Variants in SMIM18 observed in about 807,000 individuals in gnomAD.
SMIM18 encodes the protein small integral membrane protein 18.
Under a neutral mutation model 5.9 loss-of-function variants are expected in SMIM18, and 4 were observed. That is an observed-to-expected ratio of 0.68 (90% CI 0.33 to 1.56). The LOEUF is 1.56. SMIM18 is among the 40% of genes most tolerant of loss of function. The pLI is 0.06. For missense variants in SMIM18, 89 were observed against 109.7 expected (o/e 0.81, Z 0.84); for synonymous variants, 37 against 37.4 (o/e 0.99, Z 0.04).
At chr8:30,643,052 C>T (rs1801907601) in intron 1 of SMIM18, among the ~76,000 whole-genome samples, 1 of 152,020 alleles carries the variant, frequency 6.6e-6, no homozygotes, top group African/African-American at 2.4e-5. Flanking sequence ...GCAAGTCCAT[C>T]CAGAGAGGTG....
At chr8:30,641,409 C>A (rs1427595893) in intron 1 of SMIM18, among the ~76,000 whole-genome samples, 1 of 152,146 alleles carries the variant, frequency 6.6e-6, no homozygotes, top group African/African-American at 2.4e-5. Context: ...ATCACCCAGG[C>A]GGGAGTGCAA....
chr8:30,641,249 T>C (rs746493008), intron 1 of SMIM18, among the ~76,000 whole-genome samples: 16 of 152,212 alleles, frequency 1.1e-4, no homozygotes, highest in Admixed American at 7.9e-4. Context: ...ATTTACAACA[T>C]AAACCTGACC....
intron 1 of SMIM18, among the ~76,000 whole-genome samples, chr8:30,640,794 G>A (rs775738420): frequency 2.6e-4 from 39 of 152,054 alleles, no homozygotes; most frequent in Non-Finnish European, 4.0e-4. Flanking sequence ...AACCTCTGCC[G>A]CCCAGGTTCA....
intron 1 of SMIM18, among the ~76,000 whole-genome samples, chr8:30,643,037 A>T (rs1181004209): frequency 6.6e-6 from 1 of 152,228 alleles, no homozygotes; most frequent in Non-Finnish European, 1.5e-5. Context: ...GCAGGAAAAA[A>T]GGAGGCAAGT....
intron 1 of SMIM18, among the ~76,000 whole-genome samples, chr8:30,640,793 C>G (rs1433455042): frequency 6.6e-6 from 1 of 152,120 alleles, no homozygotes; most frequent in Non-Finnish European, 1.5e-5. Context: ...CAACCTCTGC[C>G]GCCCAGGTTC....
intron 1 of SMIM18, among the ~76,000 whole-genome samples, chr8:30,641,338 T>C (rs1049013232): frequency 2.0e-5 from 3 of 152,090 alleles, no homozygotes; most frequent in African/African-American, 7.2e-5. Context: ...GTGTTACCTA[T>C]AGTTATTATT....
intron 1 of SMIM18, among the ~76,000 whole-genome samples, chr8:30,642,907 T>C (rs1801901869): frequency 6.6e-6 from 1 of 152,194 alleles, no homozygotes; most frequent in African/African-American, 2.4e-5. Flanking sequence ...TAAGGGGACC[T>C]GAAAATATTT....
chr8:30,645,506 AAAAC>A lies in SMIM18; in HGVS notation c.201_204del (p.Asn67LysfsTer3). On this transcript the variant is annotated frameshift_variant, in exon 3 of 3. Coordinates refer to ENST00000517349, the MANE Select transcript of SMIM18 (RefSeq NM_001206847.2). LOFTEE classifies it high-confidence loss of function. ...GTGCTTGACTGCTGCTGCTGTGTAAAAAACAAAACCGTGAAAGACTTGAAAAGTG... is the reference window on the plus strand; with the variant it reads ...GTGCTTGACTGCTGCTGCTGTGTAAAAAAACCGTGAAAGACTTGAAAAGTG... 6.5e-7 allele frequency: 1 copy of A among 1,535,696 alleles called. No homozygotes were observed. The highest frequency in any genetic ancestry group is 8.7e-7 in the Non-Finnish European group (1 of 1,146,896).
chr8:30,643,713 T>C (rs1000259393), intron 1 of SMIM18: 2 of 149,794 alleles, frequency 1.3e-5, no homozygotes, highest in African/African-American at 2.5e-5. Flanking sequence ...CTTCAGATCA[T>C]ACAAATCTCT....
In SMIM18 at chr8:30,645,812, A is replaced by C; in HGVS notation, c.*215A>C. 1 of 527,046 alleles carries C rather than the reference A, an allele frequency of 1.9e-6. No homozygotes were observed. Among genetic ancestry groups the C allele is most frequent in the South Asian group, 2.8e-5 (1 of 35,224 alleles). 32.6% of individuals were successfully genotyped at this position (527,046 alleles called of 1,614,324 possible). ...AAAACTTCATGAATGTGAATTTACT[A>C]ATCTGTTTAATACTGACACTTCAAA... On this transcript the variant is annotated 3_prime_UTR_variant, in exon 3 of 3. Coordinates refer to ENST00000517349, the MANE Select transcript of SMIM18 (RefSeq NM_001206847.2).
chr8:30,640,810 T>C (rs985873438), intron 1 of SMIM18, among the ~76,000 whole-genome samples: 5 of 152,110 alleles, frequency 3.3e-5, no homozygotes, highest in Non-Finnish European at 5.9e-5. Flanking sequence ...GTTCATGAGA[T>C]TCTCCTGCCT....
rs187731366 is a variant in SMIM18 at position 30,640,137 on chromosome 8, C to T, written c.-111+1498C>T. Among the ~76,000 whole-genome samples, 134 of 152,212 alleles carry T rather than the reference C, an allele frequency of 8.8e-4. 2 individuals are homozygous for T. Among genetic ancestry groups the T allele is most frequent in the Admixed American group, 8.4e-3 (129 of 15,274 alleles). On this transcript the variant is annotated intron_variant, in intron 1 of 2. Coordinates refer to ENST00000517349, the MANE Select transcript of SMIM18 (RefSeq NM_001206847.2). Reference sequence around the variant, plus strand: ...AGATGGAGGCTCATTGCTGTTTCACCAAACTGACTGGAGACATGGCCTAAG... The same window carrying T: ...AGATGGAGGCTCATTGCTGTTTCACTAAACTGACTGGAGACATGGCCTAAG...
At chr8:30,641,561 C>G (rs1366621937) in intron 1 of SMIM18, among the ~76,000 whole-genome samples, 1 of 152,082 alleles carries the variant, frequency 6.6e-6, no homozygotes, top group Non-Finnish European at 1.5e-5. Flanking sequence ...GGCCTCCCCA[C>G]ATTGCCCAGG....
chr8:30,640,620 G>GA (rs1801782538), intron 1 of SMIM18, among the ~76,000 whole-genome samples: 1 of 152,102 alleles, frequency 6.6e-6, no homozygotes, highest in African/African-American at 2.4e-5. Flanking sequence ...TTTTCATAAA[G>GA]AATGTTTACA....
chr8:30,642,201 A>G (rs1801861707), intron 1 of SMIM18, among the ~76,000 whole-genome samples: 1 of 152,072 alleles, frequency 6.6e-6, no homozygotes, highest in Non-Finnish European at 1.5e-5. Flanking sequence ...ATTACAGTGC[A>G]TTAAATAAGT....
At chr8:30,643,302 G>A (rs902675721) in intron 1 of SMIM18, among the ~76,000 whole-genome samples, 22 of 152,100 alleles carry the variant, frequency 1.4e-4, no homozygotes, top group African/African-American at 5.3e-4. Context: ...AACAACCAAT[G>A]GGGTGGAAGC....
chr8:30,644,432 T>C (rs1184320989), intron 1 of SMIM18, 60 bp from the exon 2 acceptor site: 5 of 152,214 alleles, frequency 3.3e-5, no homozygotes, highest in Non-Finnish European at 7.3e-5. Context: ...TAAAATTTTA[T>C]TATCCTCATT....
intron 2 of SMIM18, among the ~76,000 whole-genome samples, chr8:30,644,792 C>G (rs569426947): frequency 6.7e-6 from 1 of 150,286 alleles, no homozygotes. Context: ...TTCCCATTGT[C>G]CAGGCTAGAA....
intron 2 of SMIM18, among the ~76,000 whole-genome samples, chr8:30,645,029 C>T (rs1051334186): frequency 6.6e-5 from 10 of 152,136 alleles, no homozygotes; most frequent in African/African-American, 2.2e-4. Flanking sequence ...GGATTACAGG[C>T]GTGAGCCACC....
Sources: allele counts gnomAD v4.1 joint callset (sites outside exome capture counted in the v4.1 genomes callset), GRCh38; gene constraint gnomAD v4.1.1; transcripts MANE v1.5; gene names NCBI Gene and HGNC (gene_info 2026-07-23, HGNC 2026-07-21).